Variants in SPRR2G observed in about 807,000 individuals in gnomAD.
SPRR2G encodes the protein small proline rich protein 2G.
A neutral mutation model predicts 0.7 loss-of-function variants in SPRR2G; 1 was observed. The observed-to-expected ratio is 1.49, with a 90% CI of 0.53 to 7.06. The LOEUF (loss-of-function observed/expected upper bound fraction) is 7.06. Among genes scored for constraint, SPRR2G ranks in the 30% most tolerant of loss-of-function variants. The pLI, the probability that SPRR2G is intolerant of heterozygous loss-of-function variation, is 0.14. For synonymous variants in SPRR2G, 38 were observed against 33.9 expected (o/e 1.12, Z -0.42); for missense variants, 96 against 88.5 (o/e 1.09, Z -0.34).
At chr1:153,180,805 A>G in the SPRR2G span, among the ~76,000 whole-genome samples, 1 of 152,128 alleles carries the variant, frequency 6.6e-6, no homozygotes, top group African/African-American at 2.4e-5. Context: ...CGTGTTAGCC[A>G]TTTCGGTGGC....
At chr1:153,160,892 C>T in the SPRR2G span, among the ~76,000 whole-genome samples, 1 of 151,450 alleles carries the variant, frequency 6.6e-6, no homozygotes, top group Non-Finnish European at 1.5e-5. Context: ...ACATATACAC[C>T]ATGGAATACT....
chr1:153,159,832 C>A, the SPRR2G span, among the ~76,000 whole-genome samples: 1 of 152,148 alleles, frequency 6.6e-6, no homozygotes, highest in Non-Finnish European at 1.5e-5. Flanking sequence ...AGAACTCGCA[C>A]ACTATCACAA....
chr1:153,170,274 C>T, the SPRR2G span, among the ~76,000 whole-genome samples: 2 of 152,132 alleles, frequency 1.3e-5, no homozygotes, highest in African/African-American at 2.4e-5. Context: ...TCAATTATTA[C>T]TCCAAAGCTC....
the SPRR2G span, among the ~76,000 whole-genome samples, chr1:153,174,314 G>A: frequency 1.3e-5 from 2 of 152,156 alleles, no homozygotes; most frequent in Non-Finnish European, 2.9e-5. Context: ...AACAGAAAAA[G>A]GGTTTATTAA....
chr1:153,181,191 C>A, the SPRR2G span, among the ~76,000 whole-genome samples: 1 of 152,142 alleles, frequency 6.6e-6, no homozygotes, highest in South Asian at 2.1e-4. Context: ...ATTAAGGAAT[C>A]TTTCCTATTG....
chr1:153,177,746 A>G, the SPRR2G span, among the ~76,000 whole-genome samples: 1 of 152,150 alleles, frequency 6.6e-6, no homozygotes, highest in African/African-American at 2.4e-5. Context: ...ATGAGCATTT[A>G]TAGTAAGTAT....
At chr1:153,171,058 G>A in the SPRR2G span, among the ~76,000 whole-genome samples, 12 of 152,172 alleles carry the variant, frequency 7.9e-5, no homozygotes, top group South Asian at 4.1e-4. Context: ...CTCTTTTCAC[G>A]GAAGAGTACT....
the SPRR2G span, among the ~76,000 whole-genome samples, chr1:153,178,570 A>G: frequency 2.6e-5 from 4 of 152,160 alleles, no homozygotes; most frequent in African/African-American, 4.8e-5. Flanking sequence ...TTCAGATGAT[A>G]TAATTTCTTC....
chr1:153,165,932 C>A, the SPRR2G span, among the ~76,000 whole-genome samples: 1 of 152,208 alleles, frequency 6.6e-6, no homozygotes, highest in Non-Finnish European at 1.5e-5. Context: ...GGGGTCAACT[C>A]AGAAGTGTCT....
chr1:153,188,386 T>C, the SPRR2G span, among the ~76,000 whole-genome samples: 2 of 152,210 alleles, frequency 1.3e-5, no homozygotes, highest in Admixed American at 1.3e-4. Flanking sequence ...GCTGCCTTTC[T>C]TTCAGAGATG....
chr1:153,153,826 G>A (rs11578865), upstream of SPRR2G, among the ~76,000 whole-genome samples: 50,139 of 151,924 alleles, frequency 0.33, 10,589 homozygotes, highest in Non-Finnish European at 0.48. Flanking sequence ...AAGTTTTTGA[G>A]AATATAGAAT....
chr1:153,186,187 T>C, the SPRR2G span, among the ~76,000 whole-genome samples: 1 of 152,192 alleles, frequency 6.6e-6, no homozygotes, highest in Non-Finnish European at 1.5e-5. Flanking sequence ...GAATGTACGT[T>C]CTGTTGATTT....
the SPRR2G span, among the ~76,000 whole-genome samples, chr1:153,185,091 G>C: frequency 6.6e-6 from 1 of 152,292 alleles, no homozygotes; most frequent in African/African-American, 2.4e-5. Context: ...TTGATGTGCT[G>C]CTGGATTCAG....
At chr1:153,154,458 T>C (rs973520445), upstream of SPRR2G, among the ~76,000 whole-genome samples, 3 of 152,072 alleles carry the variant, frequency 2.0e-5, no homozygotes, top group African/African-American at 7.2e-5. Context: ...TTTGGTAGAG[T>C]TTACTACTGT....
chr1:153,175,995 T>A, the SPRR2G span: 1 of 152,120 alleles, frequency 6.6e-6, no homozygotes, highest in African/African-American at 2.4e-5. Flanking sequence ...AGACAGAGGC[T>A]GCAGTGAGCC....
At chr1:153,163,714 C>A in the SPRR2G span, among the ~76,000 whole-genome samples, 1 of 152,188 alleles carries the variant, frequency 6.6e-6, no homozygotes, top group African/African-American at 2.4e-5. Context: ...AGTCTTCACC[C>A]CATCCATGTA....
At chr1:153,194,807 G>A in the SPRR2G span, among the ~76,000 whole-genome samples, 1 of 152,206 alleles carries the variant, frequency 6.6e-6, no homozygotes, top group Non-Finnish European at 1.5e-5. Context: ...CAGCCCCAGA[G>A]ATACTCCCCT....
the SPRR2G span, among the ~76,000 whole-genome samples, chr1:153,172,876 T>C: frequency 6.6e-6 from 1 of 152,220 alleles, no homozygotes; most frequent in African/African-American, 2.4e-5. Flanking sequence ...GAAGATTGTA[T>C]GGTTGGACTG....
the SPRR2G span, among the ~76,000 whole-genome samples, chr1:153,187,630 T>C: frequency 2.0e-5 from 3 of 152,160 alleles, no homozygotes; most frequent in African/African-American, 7.2e-5. Context: ...TTAGCTTTCT[T>C]GCATTGGGTT....
Sources: gnomAD v4.1 joint callset for allele counts (sites outside exome capture counted in the v4.1 genomes callset) on GRCh38, gnomAD v4.1.1 for gene constraint, MANE v1.5 for transcripts, NCBI Gene and HGNC (gene_info 2026-07-23, HGNC 2026-07-21) for gene names.